UNC13C: variants seen among roughly 807,000 people sequenced by gnomAD.
UNC13C encodes the protein unc-13 homolog C.
UNC13C carries 174 observed loss-of-function variants against 245.4 expected under a neutral mutation model. That is an observed-to-expected ratio of 0.71 (90% CI 0.63 to 0.80). UNC13C has a LOEUF of 0.80. Ranked by LOEUF, UNC13C falls within the 30% of genes least tolerant of loss-of-function variation. UNC13C has a pLI of 0.00. For missense variants in UNC13C, 2,829 were observed against 2,602.9 expected (o/e 1.09, Z -1.89); for synonymous variants, 992 against 895.1 (o/e 1.11, Z -1.93).
intron 1 of UNC13C, among the ~76,000 whole-genome samples, chr15:53,980,232 T>C (rs1893873359): frequency 6.6e-6 from 1 of 152,178 alleles, no homozygotes; most frequent in Non-Finnish European, 1.5e-5. Flanking sequence ...ACTTAGGCCG[T>C]AAACAAAATG....
In UNC13C at chr15:54,334,689, C is replaced by A. The variant is rs1317268537; in HGVS notation, c.4584+833C>A. On this transcript the variant is annotated intron_variant, in intron 16 of 32. Coordinates refer to ENST00000260323, the MANE Select transcript of UNC13C (RefSeq NM_001080534.3). ...AAAATTCATTTGGTTTAAAATCAGG[C>A]TAACTAGGTGATTAGGATAAATAGA... Among the ~76,000 whole-genome samples the A allele has an allele frequency of 2.0e-5, 3 of 152,030 alleles. No individual in the cohort carries two copies. In the East Asian group the frequency reaches 5.8e-4, roughly 29 times the overall value.
At chr15:54,417,888 GT>G (rs2040553920) in intron 19 of UNC13C, among the ~76,000 whole-genome samples, 1 of 152,026 alleles carries the variant, frequency 6.6e-6, no homozygotes, top group South Asian at 2.1e-4. Flanking sequence ...CCAGGCAGTT[GT>G]ACATTGTTAA....
intron 24 of UNC13C, among the ~76,000 whole-genome samples, chr15:54,515,098 A>G (rs1292278425): frequency 6.6e-6 from 1 of 152,202 alleles, no homozygotes; most frequent in Non-Finnish European, 1.5e-5. Context: ...AAAAAATCTC[A>G]CAAACCACGA....
chr15:54,336,451 A>G (rs1400035553), intron 16 of UNC13C, among the ~76,000 whole-genome samples: 3 of 151,664 alleles, frequency 2.0e-5, no homozygotes, highest in African/African-American at 7.3e-5. Context: ...ATCTTAAAAT[A>G]TCTCATATAG....
chr15:54,193,128 A>G (rs1479719741), intron 4 of UNC13C, among the ~76,000 whole-genome samples: 2 of 152,126 alleles, frequency 1.3e-5, no homozygotes, highest in Non-Finnish European at 1.5e-5. Flanking sequence ...GTTTTCTTCT[A>G]CTTTATAAAG....
At chr15:54,498,138 C>G (rs1256190167) in intron 20 of UNC13C, among the ~76,000 whole-genome samples, 2 of 152,010 alleles carry the variant, frequency 1.3e-5, no homozygotes, top group Non-Finnish European at 2.9e-5. Flanking sequence ...ATTTCTATAT[C>G]TATATCTGAT....
intron 17 of UNC13C, among the ~76,000 whole-genome samples, chr15:54,369,144 C>G (rs926629440): frequency 2.0e-5 from 3 of 151,886 alleles, no homozygotes; most frequent in African/African-American, 7.3e-5. Flanking sequence ...ATTTTGATAG[C>G]TACAAGTAGA....
chr15:54,200,022 A>G (rs762433022), intron 4 of UNC13C, among the ~76,000 whole-genome samples: 3 of 152,158 alleles, frequency 2.0e-5, no homozygotes, highest in Admixed American at 1.3e-4. Flanking sequence ...AAAAGTGACT[A>G]GGAGTAGCTA....
At chr15:54,091,544 T>C (rs1336294114) in intron 2 of UNC13C, among the ~76,000 whole-genome samples, 1 of 152,198 alleles carries the variant, frequency 6.6e-6, no homozygotes, top group African/African-American at 2.4e-5. Context: ...ATTTTCCATC[T>C]TTGTAAATTT....
At chr15:54,452,947 G>A (rs1229126053) in intron 19 of UNC13C, among the ~76,000 whole-genome samples, 1 of 152,182 alleles carries the variant, frequency 6.6e-6, no homozygotes, top group Admixed American at 6.5e-5. Flanking sequence ...TCTCAGCAGG[G>A]GATGACAATG....
chr15:54,364,114 A>G (rs2039301494), intron 17 of UNC13C, among the ~76,000 whole-genome samples: 1 of 152,202 alleles, frequency 6.6e-6, no homozygotes, highest in South Asian at 2.1e-4. Flanking sequence ...ACATCAGAAA[A>G]TGAGCTTTTT....
At chr15:54,433,092 G>C (rs967849288) in intron 19 of UNC13C, among the ~76,000 whole-genome samples, 1 of 150,800 alleles carries the variant, frequency 6.6e-6, no homozygotes, top group Non-Finnish European at 1.5e-5. Flanking sequence ...TGAAATTGAG[G>C]CATATCCTAC....
At chr15:54,464,731 T>G (rs2141032255) in intron 19 of UNC13C, among the ~76,000 whole-genome samples, 1 of 152,228 alleles carries the variant, frequency 6.6e-6, no homozygotes, top group East Asian at 1.9e-4. Context: ...TAAATTCAGA[T>G]TATCCAGTAG....
chr15:54,604,641 A>T (rs1017272226), intron 30 of UNC13C, among the ~76,000 whole-genome samples: 1 of 152,168 alleles, frequency 6.6e-6, no homozygotes, highest in Non-Finnish European at 1.5e-5. Flanking sequence ...TGTCACCTTT[A>T]CAGTCAGCAA....
intron 19 of UNC13C, among the ~76,000 whole-genome samples, chr15:54,476,148 T>G (rs1236289672): frequency 8.5e-6 from 1 of 117,498 alleles, no homozygotes; most frequent in Non-Finnish European, 1.8e-5. Flanking sequence ...CACTTTTTGA[T>G]GGGGTTGTTT....
Position 54,512,201 on chromosome 15 carries a change from G to T in UNC13C, c.5457+371G>T, listed in dbSNP as rs1218327558. ...TCAGCTTGATATCAATGTTTATTCT[G>T]CAATATGCTTTGTGGTGCTATTGGT... On this transcript the variant is annotated intron_variant, in intron 24 of 32. Coordinates refer to ENST00000260323, the MANE Select transcript of UNC13C (RefSeq NM_001080534.3). 1.5e-5 allele frequency: 6 copies of T among 393,950 alleles called. 1 individual carries two copies. Among genetic ancestry groups the T allele is most frequent in the Admixed American group, 9.3e-5 (3 of 32,422 alleles). The allele number at this position is 393,950 out of a possible 1,614,324, so 24.4% of individuals were successfully genotyped here.
At chr15:54,316,608 A>T (rs1164058324) in intron 13 of UNC13C, among the ~76,000 whole-genome samples, 1 of 151,920 alleles carries the variant, frequency 6.6e-6, no homozygotes, top group East Asian at 1.9e-4. Flanking sequence ...CTATAAGCAG[A>T]TTCATTACTG....
chr15:53,895,345 CAA>C, the UNC13C span, among the ~76,000 whole-genome samples: 1,211 of 34,032 alleles, frequency 0.036, 8 homozygotes, highest in South Asian at 0.22. Context: ...GATTTCATCT[CAA>C]AAAAAAAAAA....
the UNC13C span, among the ~76,000 whole-genome samples, chr15:53,926,713 G>A: frequency 6.9e-6 from 1 of 144,746 alleles, no homozygotes; most frequent in Non-Finnish European, 1.5e-5. Flanking sequence ...CAAAGGAAGC[G>A]AGTAACTTGG....
Sources: allele counts gnomAD v4.1 joint callset (sites outside exome capture counted in the v4.1 genomes callset), GRCh38; gene constraint gnomAD v4.1.1; transcripts MANE v1.5; gene names NCBI Gene and HGNC (gene_info 2026-07-23, HGNC 2026-07-21).